The following COL4A5 variants were observed in gnomAD, a reference collection of about 807,000 sequenced individuals.
COL4A5 encodes the protein collagen alpha-5(IV) chain.
Under a neutral mutation model 130.2 loss-of-function variants are expected in COL4A5, and 26 were observed. The observed-to-expected ratio is 0.20, with a 90% confidence interval of 0.15 to 0.28. The LOEUF is 0.28. Among genes scored for constraint, COL4A5 ranks in the 10% least tolerant of loss-of-function variants. The pLI, the probability that COL4A5 is intolerant of heterozygous loss-of-function variation, is 1.00. For missense variants in COL4A5, 1,131 were observed against 1,344.3 expected (o/e 0.84, Z 2.48); for synonymous variants, 496 against 439.6 (o/e 1.13, Z -1.60).
At position 108,470,298 on chromosome X, in the gene COL4A5, C is replaced by T. The variant is rs980516555; in HGVS notation, c.81+30092C>T. On this transcript the variant is annotated intron_variant, in intron 1 of 52. Coordinates refer to ENST00000328300, the MANE Select transcript of COL4A5 (RefSeq NM_033380.3). ...TCCCTTTTCTCTGCAGTCTCACCAG[C>T]ATCTGTTTTTTGTTTTGTTTTGCTT... is the stretch of plus-strand genomic sequence containing the variant. Among the ~76,000 whole-genome samples the T allele has an allele frequency of 1.4e-4, 16 of 112,241 alleles. No individual in the cohort carries two copies. In the East Asian group the frequency reaches 4.5e-3, roughly 31 times the overall value.
chrX:108,531,392 A>AAATAT (rs2065384184), intron 1 of COL4A5, among the ~76,000 whole-genome samples: 1 of 109,956 alleles, frequency 9.1e-6, no homozygotes, highest in Non-Finnish European at 1.9e-5. Flanking sequence ...AAATAAAATA[A>AAATAT]ATAAATAAAT....
At chrX:108,466,356 C>T (rs895974121) in intron 1 of COL4A5, among the ~76,000 whole-genome samples, 3 of 111,777 alleles carry the variant, frequency 2.7e-5, no homozygotes, top group African/African-American at 9.8e-5. Flanking sequence ...CATTTTACTT[C>T]GCCACCAGCA....
At chrX:108,470,157 A>G (rs1220370830) in intron 1 of COL4A5, among the ~76,000 whole-genome samples, 1 of 112,344 alleles carries the variant, frequency 8.9e-6, no homozygotes, top group Non-Finnish European at 1.9e-5. Flanking sequence ...GTATATACCC[A>G]GTAATGGGAT....
intron 36 of COL4A5, among the ~76,000 whole-genome samples, chrX:108,628,617 A>T (rs1374339714): frequency 9.0e-6 from 1 of 111,730 alleles, no homozygotes; most frequent in East Asian, 2.8e-4. Context: ...TTTCATACTG[A>T]TTTGTAAAAG....
chrX:108,616,013 CA>C (rs1321885665), intron 30 of COL4A5, among the ~76,000 whole-genome samples: 1 of 111,477 alleles, frequency 9.0e-6, no homozygotes, highest in Non-Finnish European at 1.9e-5. Flanking sequence ...GTACTATTTA[CA>C]ATTGATTATA....
At chrX:108,598,293 A>G (rs1380612779) in intron 24 of COL4A5, among the ~76,000 whole-genome samples, 1 of 112,176 alleles carries the variant, frequency 8.9e-6, no homozygotes, top group Non-Finnish European at 1.9e-5. Context: ...GTAGATAGCC[A>G]TGTTCAATGT....
chrX:108,671,637 G>A (rs1387561533), intron 42 of COL4A5, among the ~76,000 whole-genome samples: 1 of 111,711 alleles, frequency 9.0e-6, no homozygotes, highest in Non-Finnish European at 1.9e-5. Flanking sequence ...CAGAGTGAGA[G>A]GGCCAGTAAT....
intron 2 of COL4A5, among the ~76,000 whole-genome samples, chrX:108,557,011 G>T (rs2065832263): frequency 9.0e-6 from 1 of 111,373 alleles, no homozygotes; most frequent in Non-Finnish European, 1.9e-5. Context: ...AAGCTTTTTA[G>T]CACCTCCACT....
rs769759566 is a variant in COL4A5, at chrX:108,485,279, CTTG to C, written c.81+45081_81+45083del. On this transcript the variant is annotated intron_variant, in intron 1 of 52. Transcript: ENST00000328300. ...TGGAATTGAGGACCCCAAGAGCCCT[CTTG>C]TTGTTGTACCCCACTGTGGCAGAGT... 2.7e-5 allele frequency among the ~76,000 whole-genome samples: 3 copies of C among 112,171 alleles called. No individual in the cohort carries two copies. The South Asian group carries it at 1.1e-3, about 42-fold the overall frequency.
At chrX:108,677,451 T>A (rs930808340) in intron 43 of COL4A5, 49 bp from the exon 44 acceptor site, 4 of 1,158,155 alleles carry the variant, frequency 3.5e-6, no homozygotes, top group Non-Finnish European at 4.7e-6. Context: ...ACTTTTATGC[T>A]ACTCTTAACA....
At chrX:108,449,397 C>T (rs978755479) in intron 1 of COL4A5, among the ~76,000 whole-genome samples, 1 of 111,913 alleles carries the variant, frequency 8.9e-6, no homozygotes, top group Non-Finnish European at 1.9e-5. Context: ...TATAGTTCTA[C>T]AAATGAAAGT....
intron 1 of COL4A5, among the ~76,000 whole-genome samples, chrX:108,516,218 G>A (rs1005375745): frequency 1.8e-5 from 2 of 112,233 alleles, no homozygotes; most frequent in Non-Finnish European, 3.8e-5. Flanking sequence ...TGGCATGTTA[G>A]TGCATTTTTA....
chrX:108,595,197 A>G (rs2066493480), intron 21 of COL4A5, among the ~76,000 whole-genome samples: 1 of 111,981 alleles, frequency 8.9e-6, no homozygotes, highest in Non-Finnish European at 1.9e-5. Flanking sequence ...TTTCATATAT[A>G]CATTTTGATA....
chrX:108,562,833 T>C (rs2065915522), intron 3 of COL4A5, among the ~76,000 whole-genome samples: 2 of 111,741 alleles, frequency 1.8e-5, no homozygotes, highest in African/African-American at 6.5e-5. Flanking sequence ...TTTAGTTAAT[T>C]TTGATAGGCA....
intron 2 of COL4A5, among the ~76,000 whole-genome samples, chrX:108,552,082 T>A (rs933068184): frequency 9.0e-6 from 1 of 111,322 alleles, no homozygotes. Flanking sequence ...GGGAGACTGT[T>A]GAAAAACTGC....
At chrX:108,571,684 G>A in intron 7 of COL4A5, 127 bp from the exon 8 acceptor site, 4 of 586,772 alleles carry the variant, frequency 6.8e-6, no homozygotes, top group Non-Finnish European at 1.1e-5. Context: ...AGTATCCTAA[G>A]GTATATCCTA....
rs780583256 is a variant in COL4A5, at chrX:108,458,932, A to G, written c.81+18726A>G. 2.0e-4 allele frequency among the ~76,000 whole-genome samples: 22 copies of G among 109,683 alleles called. No individual in the cohort carries two copies. In the East Asian group the frequency reaches 5.2e-3, roughly 26 times the overall value. ...GAGGCGGAGCTTGCAGTGAGCCCAG[A>G]TCGCGCCACTGCACTCCAGCCTGGG... On this transcript the variant is annotated intron_variant, in intron 1 of 52. Transcript: ENST00000328300.
At chrX:108,674,658 T>C in intron 42 of COL4A5, 87 bp from the exon 43 acceptor site, 1 of 950,274 alleles carries the variant, frequency 1.1e-6, no homozygotes, top group African/African-American at 1.9e-5. Flanking sequence ...GTGAACCACT[T>C]CTAACTCATA....
chrX:108,507,787 G>A (rs1467326622), intron 1 of COL4A5, among the ~76,000 whole-genome samples: 3 of 111,558 alleles, frequency 2.7e-5, no homozygotes, highest in Non-Finnish European at 3.8e-5. Context: ...CAGCCTGGGC[G>A]ACAGAGCGAG....
Sources: allele counts gnomAD v4.1 joint callset (sites outside exome capture counted in the v4.1 genomes callset), GRCh38; gene constraint gnomAD v4.1.1; transcripts MANE v1.5; gene names NCBI Gene and HGNC (gene_info 2026-07-23, HGNC 2026-07-21).